PAN3: variants seen among roughly 807,000 people sequenced by gnomAD.
The protein encoded by PAN3 is poly(A) specific ribonuclease subunit PAN3.
A neutral mutation model predicts 96.2 loss-of-function variants in PAN3; 19 were observed. That is an observed-to-expected ratio of 0.20 (90% CI 0.14 to 0.29). The LOEUF is 0.29. Among genes scored for constraint, PAN3 ranks in the 10% least tolerant of loss-of-function variants. The pLI is 1.00. For missense variants in PAN3, 882 were observed against 1,108.1 expected, an observed-to-expected ratio of 0.80 and a Z score of 2.90; for synonymous variants, 433 against 406.6, an observed-to-expected ratio of 1.06 and a Z score of -0.78.
At chr13:28,190,216 A>T (rs1382624646) in intron 4 of PAN3, among the ~76,000 whole-genome samples, 1 of 152,162 alleles carries the variant, frequency 6.6e-6, no homozygotes, top group Non-Finnish European at 1.5e-5. Context: ...AAGTGCTGGG[A>T]TTACAGACGT....
intron 1 of PAN3, among the ~76,000 whole-genome samples, chr13:28,145,825 T>G (rs1429395166): frequency 6.7e-6 from 1 of 150,122 alleles, no homozygotes; most frequent in Admixed American, 6.7e-5. Flanking sequence ...AGTGGCGCAA[T>G]TTTGGCACAC....
chr13:28,249,968 C>T (rs954064083), intron 6 of PAN3, among the ~76,000 whole-genome samples: 2 of 152,144 alleles, frequency 1.3e-5, no homozygotes, highest in Non-Finnish European at 2.9e-5. Flanking sequence ...AGTGACAAAC[C>T]TTAAACATGT....
chr13:28,239,222 C>T (rs1052389360), intron 6 of PAN3, among the ~76,000 whole-genome samples: 2 of 142,704 alleles, frequency 1.4e-5, no homozygotes, highest in African/African-American at 5.2e-5. Context: ...CACACACACA[C>T]GGAAAGTAAC....
At chr13:28,236,591 A>T (rs1883136658) in intron 6 of PAN3, among the ~76,000 whole-genome samples, 1 of 152,214 alleles carries the variant, frequency 6.6e-6, no homozygotes, top group African/African-American at 2.4e-5. Flanking sequence ...CTGTTTTAAA[A>T]ATGGGCAGTT....
At chr13:28,151,111 C>T (rs902394809) in intron 1 of PAN3, among the ~76,000 whole-genome samples, 1 of 152,104 alleles carries the variant, frequency 6.6e-6, no homozygotes, top group African/African-American at 2.4e-5. Flanking sequence ...AAGAGTATCT[C>T]AGGCAGAGGG....
chr13:28,183,670 C>G (rs370661633), intron 4 of PAN3, among the ~76,000 whole-genome samples: 3 of 152,154 alleles, frequency 2.0e-5, no homozygotes, highest in Non-Finnish European at 4.4e-5. Context: ...GATAATAACA[C>G]GGCAGTGTTG....
At chr13:28,172,314 G>A (rs1262916960) in intron 1 of PAN3, among the ~76,000 whole-genome samples, 1 of 152,014 alleles carries the variant, frequency 6.6e-6, no homozygotes, top group Non-Finnish European at 1.5e-5. Context: ...AAATTAGCCG[G>A]GCGTAGTGGT....
At chr13:28,221,975 C>T (rs2138386207) in intron 6 of PAN3, among the ~76,000 whole-genome samples, 1 of 152,312 alleles carries the variant, frequency 6.6e-6, no homozygotes, top group South Asian at 2.1e-4. Flanking sequence ...CTTTCCAAAG[C>T]ATCCGCAATA....
At chr13:28,275,866 C>T (rs528176317) in intron 14 of PAN3, among the ~76,000 whole-genome samples, 1 of 152,288 alleles carries the variant, frequency 6.6e-6, no homozygotes, top group East Asian at 1.9e-4. Flanking sequence ...TCTACCTAAT[C>T]AGTCTGTCTC....
chr13:28,189,008 A>G (rs952109535), intron 4 of PAN3, among the ~76,000 whole-genome samples: 1 of 152,212 alleles, frequency 6.6e-6, no homozygotes, highest in African/African-American at 2.4e-5. Flanking sequence ...GTTTATACTG[A>G]AATGTTGAGT....
intron 6 of PAN3, among the ~76,000 whole-genome samples, chr13:28,243,253 ATC>A (rs1277489013): frequency 6.6e-6 from 1 of 152,192 alleles, no homozygotes; most frequent in African/African-American, 2.4e-5. Flanking sequence ...TCACTCTGGA[ATC>A]TCAGATGCAC....
At chr13:28,242,300 A>T (rs1883744287) in intron 6 of PAN3, among the ~76,000 whole-genome samples, 1 of 152,146 alleles carries the variant, frequency 6.6e-6, no homozygotes, top group Non-Finnish European at 1.5e-5. Flanking sequence ...CAATTTGATG[A>T]TGATAGCTAT....
At chr13:28,270,244 A>G (rs1886500841) in intron 12 of PAN3, among the ~76,000 whole-genome samples, 1 of 152,210 alleles carries the variant, frequency 6.6e-6, no homozygotes, top group Non-Finnish European at 1.5e-5. Context: ...ATATAAGGAA[A>G]ACAAACATTC....
intron 1 of PAN3, among the ~76,000 whole-genome samples, chr13:28,140,901 A>T (rs1406666303): frequency 6.6e-6 from 1 of 152,066 alleles, no homozygotes; most frequent in African/African-American, 2.4e-5. Flanking sequence ...TTGCATTTTC[A>T]GGTTAAAGTT....
At chr13:28,196,120 A>G (rs1308992833) in intron 4 of PAN3, among the ~76,000 whole-genome samples, 1 of 151,724 alleles carries the variant, frequency 6.6e-6, no homozygotes, top group Non-Finnish European at 1.5e-5. Context: ...TCAACCTCCA[A>G]AGTGCTGGGA....
chr13:28,290,276 AGT>A (rs1321285113), intron 18 of PAN3, among the ~76,000 whole-genome samples: 2 of 152,242 alleles, frequency 1.3e-5, no homozygotes, highest in African/African-American at 4.8e-5. Context: ...ATTAATGTAC[AGT>A]GTGGTAACCT....
At chr13:28,282,145 C>G (rs948869817) in intron 17 of PAN3, among the ~76,000 whole-genome samples, 1 of 152,174 alleles carries the variant, frequency 6.6e-6, no homozygotes, top group Non-Finnish European at 1.5e-5. Flanking sequence ...CTATTTGTCA[C>G]TTAGTTCCAC....
At chr13:28,162,147 GTTT>G (rs1192388041) in intron 1 of PAN3, among the ~76,000 whole-genome samples, 2 of 152,208 alleles carry the variant, frequency 1.3e-5, no homozygotes, top group African/African-American at 4.8e-5. Flanking sequence ...AGATGCTACT[GTTT>G]TAGTGTTACA....
intron 1 of PAN3, among the ~76,000 whole-genome samples, chr13:28,161,073 T>G (rs1872822265): frequency 6.6e-6 from 1 of 151,804 alleles, no homozygotes; most frequent in South Asian, 2.1e-4. Context: ...CCATTTTCCC[T>G]TTTTTTATCT....
Sources: gnomAD v4.1 joint callset for allele counts (sites outside exome capture counted in the v4.1 genomes callset) on GRCh38, gnomAD v4.1.1 for gene constraint, MANE v1.5 for transcripts, NCBI Gene and HGNC (gene_info 2026-07-23, HGNC 2026-07-21) for gene names.